The following SLC35F4 variants were observed in gnomAD, a reference collection of about 807,000 sequenced individuals.
The protein encoded by SLC35F4 is solute carrier family 35 member F4.
In SLC35F4, 24 loss-of-function variants were observed where a neutral mutation model predicts 44.2. The observed-to-expected ratio is 0.54, with a 90% CI of 0.39 to 0.76. The LOEUF (loss-of-function observed/expected upper bound fraction) is 0.76. Among genes scored for constraint, SLC35F4 ranks in the 30% least tolerant of loss-of-function variants. The pLI, the probability that SLC35F4 is intolerant of heterozygous loss-of-function variation, is 0.00. For synonymous variants in SLC35F4, 238 were observed against 223.6 expected, an observed-to-expected ratio of 1.06 and a Z score of -0.57; for missense variants, 562 against 586.1, an observed-to-expected ratio of 0.96 and a Z score of 0.42.
intron 1 of SLC35F4, among the ~76,000 whole-genome samples, chr14:57,880,904 C>A (rs10149735): frequency 6.6e-6 from 1 of 152,024 alleles, no homozygotes. Flanking sequence ...CTAAAGGATT[C>A]GTTCATAAAG....
chr14:57,780,598 C>A (rs544184938), intron 1 of SLC35F4, among the ~76,000 whole-genome samples: 1 of 152,030 alleles, frequency 6.6e-6, no homozygotes, highest in East Asian at 1.9e-4. Flanking sequence ...TTTAAAATTT[C>A]TATGGAACTA....
chr14:57,640,106 A>G (rs1566714929), intron 1 of SLC35F4, among the ~76,000 whole-genome samples: 1 of 152,022 alleles, frequency 6.6e-6, no homozygotes, highest in Non-Finnish European at 1.5e-5. Flanking sequence ...CTAGAAAGGC[A>G]GGCACAAGAG....
At chr14:57,716,765 ATACAG>A (rs2075956029) in intron 1 of SLC35F4, among the ~76,000 whole-genome samples, 2 of 152,194 alleles carry the variant, frequency 1.3e-5, no homozygotes, top group Non-Finnish European at 2.9e-5. Context: ...TGCTGAAAAT[ATACAG>A]TAAATTATTT....
In SLC35F4 at chr14:57,589,438, G is replaced by C. The variant is rs745535282; in HGVS notation, c.365C>G (p.Thr122Arg). Residue 122 changes from threonine (T) to arginine (R), a missense_variant, in exon 3 of 8, where the codon ACG becomes AGG. Thr to Arg is a moderately conservative substitution (Grantham distance 71, BLOSUM62 -1). Coordinates refer to ENST00000556826, the MANE Select transcript of SLC35F4 (RefSeq NM_001306087.2). Reference protein sequence around the residue: ...NRIKARCLSCTSMVLKGIWGL... With the variant: ...NRIKARCLSCRSMVLKGIWGL... ...CCAGATGCCCTTCAGAACCATGGAC[G>C]TGCAGGACAGGCAGCGAGCCTTGAT... 6.8e-6 allele frequency: 11 copies of C among 1,613,786 alleles called. No individual in the cohort carries two copies. Among genetic ancestry groups the C allele is most frequent in the Non-Finnish European group, 8.5e-6 (10 of 1,179,872 alleles).
At chr14:57,590,226 C>CAAAAAAAAAAAGAAAAAAAAAAAA (rs2070078558) in intron 2 of SLC35F4, among the ~76,000 whole-genome samples, 1 of 119,180 alleles carries the variant, frequency 8.4e-6, no homozygotes, top group Non-Finnish European at 1.7e-5. Flanking sequence ...CTTGTCTATG[C>CAAAAAAAAAAAGAAAAAAAAAAAA]AAAAAAAAAA....
chr14:57,695,778 C>A (rs996639153), intron 1 of SLC35F4, among the ~76,000 whole-genome samples: 3 of 152,154 alleles, frequency 2.0e-5, no homozygotes, highest in African/African-American at 7.2e-5. Context: ...ACCTAAATAT[C>A]CAACAATGAT....
At chr14:57,854,149 C>T (rs913336730) in intron 1 of SLC35F4, among the ~76,000 whole-genome samples, 3 of 152,104 alleles carry the variant, frequency 2.0e-5, no homozygotes, top group Admixed American at 2.0e-4. Flanking sequence ...TGTATTGTAA[C>T]TACACTACAG....
intron 1 of SLC35F4, among the ~76,000 whole-genome samples, chr14:57,707,896 C>T (rs76322377): frequency 0.047 from 7,163 of 152,168 alleles, 218 homozygotes; most frequent in South Asian, 0.082. Flanking sequence ...TGGTGTAGGC[C>T]GAACTAACTT....
chr14:57,852,879 C>T (rs1265217722), intron 1 of SLC35F4, among the ~76,000 whole-genome samples: 2 of 152,210 alleles, frequency 1.3e-5, no homozygotes, highest in Non-Finnish European at 2.9e-5. Flanking sequence ...GGAATCTCTG[C>T]TTCACAAGGC....
At chr14:57,631,708 ATCT>A (rs2072785958) in intron 1 of SLC35F4, among the ~76,000 whole-genome samples, 1 of 152,156 alleles carries the variant, frequency 6.6e-6, no homozygotes, top group Non-Finnish European at 1.5e-5. Flanking sequence ...CAAGAGTCAG[ATCT>A]TCTGAGTTTT....
chr14:57,795,241 G>A (rs79782516), intron 1 of SLC35F4, among the ~76,000 whole-genome samples: 4,161 of 152,204 alleles, frequency 0.027, 145 homozygotes, highest in African/African-American at 0.078. Flanking sequence ...GGTTTGGATC[G>A]ATGGAAAAAT....
rs922044839 is a variant in SLC35F4 at position 57,917,042 on chromosome 14, GGTTTT to G, written n.282+64866_282+64870del. ...TTTTGTTTGTTTGTTTGTTTTGGGG[GGTTTT>G]GTTTTGTTTTGTTTTGAGACGGAGT... On this transcript the variant is annotated intron_variant and non_coding_transcript_variant, in intron 1 of 1. Coordinates refer to the SLC35F4 transcript ENST00000556568. Among the ~76,000 whole-genome samples, 83 of 151,772 alleles carry G rather than the reference GGTTTT, an allele frequency of 5.5e-4. 1 individual carries two copies. Among genetic ancestry groups the G allele is most frequent in the African/African-American group, 1.7e-3 (70 of 41,360 alleles).
rs559954829 is a variant in SLC35F4 at position 57,918,250 on chromosome 14, C to T, written n.282+63663G>A. The stretch of plus-strand genomic sequence containing the variant: ...ACAGTGTAGGGGCCTTTCTATGACT[C>T]GGTCTCCCTGGAGTTTTTAACTCTC... On this transcript the variant is annotated intron_variant and non_coding_transcript_variant, in intron 1 of 1. Transcript: ENST00000556568. 3.9e-5 allele frequency among the ~76,000 whole-genome samples: 6 copies of T among 152,230 alleles called. No homozygotes were observed. The South Asian group carries it at 8.3e-4, about 21-fold the overall frequency.
At chr14:57,731,242 T>C (rs1022555337) in intron 1 of SLC35F4, among the ~76,000 whole-genome samples, 2 of 152,174 alleles carry the variant, frequency 1.3e-5, no homozygotes, top group Admixed American at 6.5e-5. Context: ...TTCCCCAGAA[T>C]CTTCTTTAAT....
chr14:57,847,300 C>G (rs1386738078), intron 1 of SLC35F4, among the ~76,000 whole-genome samples: 1 of 152,220 alleles, frequency 6.6e-6, no homozygotes, highest in East Asian at 1.9e-4. Context: ...GGAATGCAAG[C>G]TGTGCCTTGG....
intron 1 of SLC35F4, among the ~76,000 whole-genome samples, chr14:57,763,871 T>C (rs1186424482): frequency 2.0e-5 from 3 of 152,162 alleles, no homozygotes; most frequent in Non-Finnish European, 4.4e-5. Flanking sequence ...TGTTATCTAA[T>C]TAACCTACCC....
At chr14:57,952,405 C>G (rs1375614683) in intron 1 of SLC35F4, among the ~76,000 whole-genome samples, 1 of 152,016 alleles carries the variant, frequency 6.6e-6, no homozygotes, top group African/African-American at 2.4e-5. Context: ...AACTTCTCAC[C>G]AGCAAGGAAA....
At position 57,942,894 on chromosome 14, in the gene SLC35F4, A is replaced by T. The variant is rs559661334; in HGVS notation, n.282+39019T>A. 8.3e-4 allele frequency among the ~76,000 whole-genome samples: 127 copies of T among 152,292 alleles called. 1 individual carries two copies. Among genetic ancestry groups the T allele is most frequent in the Admixed American group, 1.4e-3 (22 of 15,304 alleles). On this transcript the variant is annotated intron_variant and non_coding_transcript_variant, in intron 1 of 1. Coordinates refer to the SLC35F4 transcript ENST00000556568. ...TGAGACGGTTGGGGTAATTAGTGTT[A>T]TCTCTATTTTTAAAATTCAGAAACT... is the stretch of plus-strand genomic sequence containing the variant.
chr14:57,932,578 G>A (rs1889717889), intron 1 of SLC35F4, among the ~76,000 whole-genome samples: 1 of 152,182 alleles, frequency 6.6e-6, no homozygotes, highest in Non-Finnish European at 1.5e-5. Context: ...ACCAGGTGTG[G>A]TGTCTCACAC....
Sources: gnomAD v4.1 joint callset for allele counts (sites outside exome capture counted in the v4.1 genomes callset) on GRCh38, gnomAD v4.1.1 for gene constraint, MANE v1.5 for transcripts, NCBI Gene and HGNC (gene_info 2026-07-23, HGNC 2026-07-21) for gene names.